Variants in USP16 observed in about 807,000 individuals in gnomAD.
USP16 encodes ubiquitin specific peptidase 16, also known as ubiquitin carboxyl-terminal hydrolase 16.
Under a neutral mutation model 95.9 loss-of-function variants are expected in USP16, and 77 were observed. That is an observed-to-expected ratio of 0.80 (90% CI 0.67 to 0.97). The LOEUF (loss-of-function observed/expected upper bound fraction) is 0.97. USP16 is among the 50% of genes least tolerant of loss of function. The pLI, the probability that USP16 is intolerant of heterozygous loss-of-function variation, is 0.00. For missense variants in USP16, 943 were observed against 959.9 expected, an observed-to-expected ratio of 0.98 and a Z score of 0.23; for synonymous variants, 303 against 318.2, an observed-to-expected ratio of 0.95 and a Z score of 0.51.
intron 2 of USP16, among the ~76,000 whole-genome samples, chr21:29,029,068 G>T (rs1335320821): frequency 6.6e-6 from 1 of 152,156 alleles, no homozygotes; most frequent in African/African-American, 2.4e-5. Flanking sequence ...AACCTTCATC[G>T]GCACTGGTTA....
chr21:29,037,336 A>G lies in USP16; in HGVS notation c.509A>G (p.Asn170Ser), dbSNP rs1287264710. The change falls in exon 6 of 18, where the codon AAT becomes AGT. Residue 170 changes from asparagine (N) to serine (S), a missense_variant. Asn to Ser is a conservative substitution (Grantham distance 46). Coordinates refer to ENST00000399976, the MANE Select transcript of USP16 (RefSeq NM_006447.3). Reference protein sequence around the residue: ...ENKKLEKESKNEQEREKKENM... With the variant: ...ENKKLEKESKSEQEREKKENM... ...AAAAAATTAGAAAAAGAGAGTAAGA[A>G]TGAACAAGAGAGAGAAAAGAAGGAA... The G allele has an allele frequency of 6.3e-7, 1 of 1,590,166 alleles. No individual in the cohort carries two copies. The highest frequency in any genetic ancestry group is 8.6e-7 in the Non-Finnish European group (1 of 1,165,296).
intron 5 of USP16, among the ~76,000 whole-genome samples, 177 bp downstream of exon 5, chr21:29,036,551 G>T (rs542538927): frequency 6.6e-6 from 1 of 152,202 alleles, no homozygotes; most frequent in African/African-American, 2.4e-5. Flanking sequence ...TATGAGAAAT[G>T]ATCTAGTCAG....
chr21:29,034,461 C>T (rs77898159), intron 3 of USP16, among the ~76,000 whole-genome samples: 4 of 151,826 alleles, frequency 2.6e-5, no homozygotes, highest in African/African-American at 7.3e-5. Flanking sequence ...TACAGATGTG[C>T]GCCACCACAC....
chr21:29,044,754 TC>T (rs1466082814), intron 13 of USP16, among the ~76,000 whole-genome samples: 1 of 152,060 alleles, frequency 6.6e-6, no homozygotes, highest in Non-Finnish European at 1.5e-5. Flanking sequence ...GCCCATTCTT[TC>T]TTTCTTTCTT....
In USP16 at chr21:29,046,849, A is replaced by T. The variant is rs1490462878; in HGVS notation, c.1539A>T (p.Lys513Asn). 1 of 1,614,206 alleles carries T rather than the reference A, an allele frequency of 6.2e-7. No individual in the cohort carries two copies. Among genetic ancestry groups the T allele is most frequent in the East Asian group, 2.2e-5 (1 of 44,870 alleles). Residue 513 changes from lysine (K) to asparagine (N), a missense_variant, in exon 14 of 18, where the codon AAA becomes AAT. Lys to Asn is a moderately conservative substitution (Grantham distance 94, BLOSUM62 0). Coordinates refer to ENST00000399976, the MANE Select transcript of USP16 (RefSeq NM_006447.3). ...VMHKEYCVNQ[K>N]DLNGQAKMIE... is the part of the protein sequence containing the mutation. ...ATAAAGAATATTGTGTCAACCAGAA[A>T]GATTTGAATGGCCAAGCAAAAATGA...
At chr21:29,036,816 A>G (rs1274445763) in intron 5 of USP16, among the ~76,000 whole-genome samples, 1 of 152,232 alleles carries the variant, frequency 6.6e-6, no homozygotes, top group Non-Finnish European at 1.5e-5. Flanking sequence ...TGCTTTAAGC[A>G]TGTTTTTTAA....
At chr21:29,038,527 G>A (rs1055239165) in intron 7 of USP16, 97 bp downstream of exon 7, 111 of 971,568 alleles carry the variant, frequency 1.1e-4, no homozygotes, top group Non-Finnish European at 1.6e-5. Flanking sequence ...CACTGTTTTT[G>A]TTTGTTTTGT....
At chr21:29,029,854 G>GT (rs1237606300) in intron 2 of USP16, among the ~76,000 whole-genome samples, 1 of 152,224 alleles carries the variant, frequency 6.6e-6, no homozygotes, top group African/African-American at 2.4e-5. Flanking sequence ...ATACTCAGTA[G>GT]TTATGTGGGT....
chr21:29,032,263 ACT>A (rs2146364461), intron 3 of USP16, among the ~76,000 whole-genome samples: 1 of 151,766 alleles, frequency 6.6e-6, no homozygotes, highest in South Asian at 2.1e-4. Context: ...GCAGGGTCTC[ACT>A]CTCTCACCCA....
At chr21:29,026,724 T>A (rs990236714) in intron 1 of USP16, 3 of 138,348 alleles carry the variant, frequency 2.2e-5, no homozygotes, top group African/African-American at 7.5e-5. Context: ...TCTTTCACCA[T>A]TTTTTTTTCC....
chr21:29,050,878 C>T (rs549460140), intron 16 of USP16, among the ~76,000 whole-genome samples: 4 of 152,216 alleles, frequency 2.6e-5, no homozygotes, highest in South Asian at 2.1e-4. Context: ...CTTCATATGA[C>T]GTAGGTTACT....
intron 16 of USP16, chr21:29,052,201 G>T (rs550595899): frequency 1.3e-5 from 2 of 152,274 alleles, no homozygotes; most frequent in African/African-American, 4.8e-5. Flanking sequence ...GATGCTGGCT[G>T]TTCATGGACC....
In USP16 at chr21:29,053,949, A is replaced by G; in HGVS notation, c.2341A>G (p.Ile781Val). The G allele has an allele frequency of 6.2e-7, 1 of 1,614,220 alleles. No individual in the cohort carries two copies. Among genetic ancestry groups the G allele is most frequent in the South Asian group, 1.1e-5 (1 of 91,074 alleles). The change falls in exon 17 of 18, where the codon ATT becomes GTT. Residue 781 changes from isoleucine (I) to valine (V), a missense_variant. Physicochemically the swap from Ile to Val is conservative, Grantham distance 29. Coordinates refer to ENST00000399976, the MANE Select transcript of USP16 (RefSeq NM_006447.3). ...HLSNLVLHGDIPQDFEMESKG... is the reference protein window; with the variant it reads ...HLSNLVLHGDVPQDFEMESKG... ...CTCTAATCTTGTTCTTCACGGTGAT[A>G]TTCCACAAGGTAAGATGTCTTGGAA...
intron 4 of USP16, 26 bp from the exon 5 acceptor site, chr21:29,036,245 T>A: frequency 6.3e-7 from 1 of 1,577,314 alleles, no homozygotes. Context: ...TTTTGTCATT[T>A]TTCATCTCTG....
chr21:29,040,131 C>T (rs1342130971), intron 9 of USP16, among the ~76,000 whole-genome samples: 1 of 152,152 alleles, frequency 6.6e-6, no homozygotes, highest in African/African-American at 2.4e-5. Flanking sequence ...TATTAATTCC[C>T]TTACTTCGTT....
At chr21:29,042,936 G>A (rs1027478426) in intron 12 of USP16, 4 of 159,124 alleles carry the variant, frequency 2.5e-5, no homozygotes, top group Non-Finnish European at 5.5e-5. Context: ...GATGTTATGA[G>A]TATTGGATAA....
At chr21:29,034,782 C>A (rs2085129215) in intron 3 of USP16, 55 bp from the exon 4 acceptor site, 2 of 1,512,878 alleles carry the variant, frequency 1.3e-6, no homozygotes, top group Non-Finnish European at 1.8e-6. Flanking sequence ...ATTATGCATT[C>A]TCCCCTCTTG....
At chr21:29,040,278 G>A (rs2085224071) in intron 9 of USP16, among the ~76,000 whole-genome samples, 1 of 152,140 alleles carries the variant, frequency 6.6e-6, no homozygotes, top group South Asian at 2.1e-4. Context: ...ACTGGAGTCA[G>A]ACCCTGTGGC....
chr21:29,024,898 C>T, intron 1 of USP16, 121 bp downstream of exon 1: 1 of 1,056,414 alleles, frequency 9.5e-7, no homozygotes, highest in Admixed American at 3.9e-5. Flanking sequence ...AAGCACGTAA[C>T]CCGGCTACTT....
Sources: gnomAD v4.1 joint callset for allele counts (sites outside exome capture counted in the v4.1 genomes callset) on GRCh38, gnomAD v4.1.1 for gene constraint, MANE v1.5 for transcripts, NCBI Gene and HGNC (gene_info 2026-07-23, HGNC 2026-07-21) for gene names.